The following CHST11 variants were observed in gnomAD, a reference collection of about 807,000 sequenced individuals.
CHST11 encodes carbohydrate sulfotransferase 11.
A neutral mutation model predicts 30.4 loss-of-function variants in CHST11; 9 were observed. That is an observed-to-expected ratio of 0.30 (90% CI 0.18 to 0.52). The LOEUF is 0.52. Among genes scored for constraint, CHST11 ranks in the 20% least tolerant of loss-of-function variants. The probability of loss-of-function intolerance (pLI) is 0.97; values close to 1 mark genes in which losing one functional copy is unlikely to be tolerated. For missense variants in CHST11, 348 were observed against 460.6 expected (o/e 0.76, Z 2.24); for synonymous variants, 152 against 187.8 (o/e 0.81, Z 1.56).
At chr12:104,608,708 A>C (rs896024504) in intron 2 of CHST11, among the ~76,000 whole-genome samples, 4 of 152,192 alleles carry the variant, frequency 2.6e-5, no homozygotes, top group Admixed American at 1.3e-4. Flanking sequence ...CAAAGCATAC[A>C]TGCTGAGGTT....
intron 2 of CHST11, among the ~76,000 whole-genome samples, chr12:104,704,974 T>TG (rs2040020312): frequency 6.6e-6 from 1 of 152,172 alleles, no homozygotes; most frequent in African/African-American, 2.4e-5. Context: ...TTATGTTCCG[T>TG]ATGCCTTAGT....
intron 1 of CHST11, among the ~76,000 whole-genome samples, chr12:104,493,543 G>A (rs999879748): frequency 6.6e-6 from 1 of 152,206 alleles, no homozygotes; most frequent in African/African-American, 2.4e-5. Flanking sequence ...GGTGGAAATA[G>A]TGTATGCGAA....
chr12:104,619,724 A>G (rs556718497), intron 2 of CHST11, among the ~76,000 whole-genome samples: 1 of 152,334 alleles, frequency 6.6e-6, no homozygotes, highest in East Asian at 1.9e-4. Context: ...ACACCGATCC[A>G]TAGACTTACT....
chr12:104,641,955 C>T (rs1314655237), intron 2 of CHST11, among the ~76,000 whole-genome samples: 3 of 152,178 alleles, frequency 2.0e-5, no homozygotes, highest in Admixed American at 6.5e-5. Flanking sequence ...TGGCAACATC[C>T]GAAGATAGTT....
chr12:104,556,592 TCTCCAGGCTCTGC>T (rs1439936555), intron 1 of CHST11, among the ~76,000 whole-genome samples: 1 of 152,194 alleles, frequency 6.6e-6, no homozygotes, highest in Non-Finnish European at 1.5e-5. Context: ...TAGACACGTC[TCTCCAGGCTCTGC>T]CTCTATCCTC....
chr12:104,575,421 A>G (rs2665740), intron 1 of CHST11, among the ~76,000 whole-genome samples: 109,210 of 152,038 alleles, frequency 0.72, 39,505 homozygotes, highest in East Asian at 0.98. Context: ...AGGCCATGTC[A>G]GGTGGGGACA....
chr12:104,635,480 G>C (rs1484041834), intron 2 of CHST11, among the ~76,000 whole-genome samples: 3 of 152,206 alleles, frequency 2.0e-5, no homozygotes, highest in Admixed American at 2.0e-4. Flanking sequence ...AGGGGGGTTG[G>C]AAGGAGAATT....
intron 2 of CHST11, among the ~76,000 whole-genome samples, chr12:104,684,325 T>C (rs916586559): frequency 3.3e-5 from 5 of 152,014 alleles, no homozygotes; most frequent in African/African-American, 2.4e-5. Context: ...AGTGAGTGGA[T>C]GGATAGATGG....
chr12:104,725,917 T>C (rs567151839), intron 2 of CHST11, among the ~76,000 whole-genome samples: 2 of 152,180 alleles, frequency 1.3e-5, no homozygotes, highest in African/African-American at 4.8e-5. Context: ...AGTGTATGGA[T>C]GATCTTTTCA....
At chr12:104,698,542 C>T (rs748010813) in intron 2 of CHST11, among the ~76,000 whole-genome samples, 7 of 152,212 alleles carry the variant, frequency 4.6e-5, no homozygotes, top group Non-Finnish European at 7.3e-5. Context: ...TCTCACCCAT[C>T]TCTGTAGTCT....
chr12:104,523,207 GT>G (rs1353202758), intron 1 of CHST11, among the ~76,000 whole-genome samples: 1 of 152,206 alleles, frequency 6.6e-6, no homozygotes, highest in East Asian at 1.9e-4. Context: ...TCCACATTGA[GT>G]TTCCTATCTG....
intron 2 of CHST11, among the ~76,000 whole-genome samples, chr12:104,720,207 T>C (rs1293826006): frequency 6.6e-6 from 1 of 152,268 alleles, no homozygotes; most frequent in Non-Finnish European, 1.5e-5. Flanking sequence ...TCAGCTGCCA[T>C]GTCTTGAGAG....
intron 1 of CHST11, among the ~76,000 whole-genome samples, chr12:104,473,301 A>G (rs1267495853): frequency 6.6e-6 from 1 of 152,192 alleles, no homozygotes; most frequent in Non-Finnish European, 1.5e-5. Flanking sequence ...TCTGTTTTGC[A>G]TTGCTCGGGC....
At chr12:104,756,807 A>T in intron 2 of CHST11, 142 bp from the exon 3 acceptor site, 1 of 974,004 alleles carries the variant, frequency 1.0e-6, no homozygotes, top group Non-Finnish European at 1.5e-6. Flanking sequence ...TCAGCTTCCC[A>T]GAGTGCTGGG....
chr12:104,656,343 C>T (rs1262359324), intron 2 of CHST11, among the ~76,000 whole-genome samples: 2 of 152,068 alleles, frequency 1.3e-5, no homozygotes, highest in Non-Finnish European at 2.9e-5. Flanking sequence ...ATCTTTTTTC[C>T]AAGTGATGCA....
chr12:104,531,283 G>T (rs1303803531), intron 1 of CHST11, among the ~76,000 whole-genome samples: 1 of 152,090 alleles, frequency 6.6e-6, no homozygotes, highest in Non-Finnish European at 1.5e-5. Flanking sequence ...GAGGCCAGGA[G>T]TTTGAGACCA....
chr12:104,526,687 T>G (rs1198305124), intron 1 of CHST11, among the ~76,000 whole-genome samples: 1 of 152,142 alleles, frequency 6.6e-6, no homozygotes, highest in Non-Finnish European at 1.5e-5. Context: ...CCACTGCAAG[T>G]CTTGTTTTTA....
chr12:104,597,724 T>C (rs1306530363), intron 1 of CHST11, among the ~76,000 whole-genome samples: 1 of 152,230 alleles, frequency 6.6e-6, no homozygotes, highest in African/African-American at 2.4e-5. Context: ...GTCGAATGAA[T>C]GAGTGTAATG....
At chr12:104,462,167 C>CAAAAAAAAAAAAA (rs796356338) in intron 1 of CHST11, among the ~76,000 whole-genome samples, 1 of 65,596 alleles carries the variant, frequency 1.5e-5, no homozygotes, top group African/African-American at 5.2e-5. Context: ...AACACCATCT[C>CAAAAAAAAAAAAA]AAAAAAAAAA....
Sources: allele counts gnomAD v4.1 joint callset (sites outside exome capture counted in the v4.1 genomes callset), GRCh38; gene constraint gnomAD v4.1.1; transcripts MANE v1.5; gene names NCBI Gene and HGNC (gene_info 2026-07-23, HGNC 2026-07-21).